Variants in THADA observed in about 807,000 individuals in gnomAD.
The protein encoded by THADA is THADA armadillo repeat containing, also known as tRNA (32-2'-O)-methyltransferase regulator THADA.
In THADA, 213 loss-of-function variants were observed where a neutral mutation model predicts 219.8. That is an observed-to-expected ratio of 0.97 (90% CI 0.87 to 1.09). The LOEUF is 1.09. Ranked by LOEUF, THADA falls within the 50% of genes least tolerant of loss-of-function variation. The pLI, the probability that THADA is intolerant of heterozygous loss-of-function variation, is 0.00. For missense variants in THADA, 2,956 were observed against 2,311.3 expected, an observed-to-expected ratio of 1.28 and a Z score of -5.72; for synonymous variants, 1,018 against 828.9, an observed-to-expected ratio of 1.23 and a Z score of -3.92.
At position 43,354,765 on chromosome 2, in the gene THADA, T is replaced by C. The variant is rs1573232066; in HGVS notation, c.4228-10528A>G. On this transcript the variant is annotated intron_variant, in intron 29 of 37. Transcript: ENST00000405975. ...TCTTTACCATTTGATATTGTTTGGCTGTGTCCCTACCCAAATCTCATCTTG... is the reference window on the plus strand; with the variant it reads ...TCTTTACCATTTGATATTGTTTGGCCGTGTCCCTACCCAAATCTCATCTTG... Among the ~76,000 whole-genome samples the C allele has an allele frequency of 3.9e-5, 6 of 152,324 alleles. No homozygotes were observed. In the Middle Eastern group the frequency reaches 0.017, roughly 432 times the overall value.
intron 22 of THADA, among the ~76,000 whole-genome samples, chr2:43,524,123 T>C (rs905756169): frequency 1.1e-4 from 16 of 152,250 alleles, no homozygotes; most frequent in Non-Finnish European, 1.9e-4. Context: ...CAAGCAATGA[T>C]GTTTTTTAAG....
At chr2:43,409,348 A>T (rs1267934284) in intron 28 of THADA, among the ~76,000 whole-genome samples, 1 of 152,152 alleles carries the variant, frequency 6.6e-6, no homozygotes, top group Non-Finnish European at 1.5e-5. Flanking sequence ...AAATTCCAAA[A>T]AATTGCTTTT....
At chr2:43,352,097 T>C (rs1668340238) in intron 29 of THADA, among the ~76,000 whole-genome samples, 1 of 152,192 alleles carries the variant, frequency 6.6e-6, no homozygotes, top group African/African-American at 2.4e-5. Context: ...TTTCTGAAAA[T>C]CTAGTTATAA....
At chr2:43,304,753 C>T (rs1260963524) in intron 31 of THADA, among the ~76,000 whole-genome samples, 4 of 151,052 alleles carry the variant, frequency 2.6e-5, no homozygotes, top group African/African-American at 9.8e-5. Context: ...CTCACCGCAA[C>T]CTCCGCCTTT....
intron 11 of THADA, among the ~76,000 whole-genome samples, chr2:43,573,416 A>G (rs1699508960): frequency 2.0e-5 from 3 of 152,202 alleles, no homozygotes; most frequent in Admixed American, 2.0e-4. Context: ...AGTAAAGATT[A>G]AAAAAGGAAC....
intron 22 of THADA, among the ~76,000 whole-genome samples, chr2:43,509,277 T>C (rs1690085492): frequency 6.6e-6 from 1 of 152,208 alleles, no homozygotes; most frequent in Non-Finnish European, 1.5e-5. Flanking sequence ...CTCTGGAGAA[T>C]TAAAGCAATT....
chr2:43,565,042 T>C (rs1407796052), intron 15 of THADA: 1 of 152,212 alleles, frequency 6.6e-6, no homozygotes, highest in Non-Finnish European at 1.5e-5. Flanking sequence ...CGTATTCAAT[T>C]AAAGCATTGT....
rs34557514 is a variant in THADA at position 43,322,674 on chromosome 2, C to CTTTT, written c.4344-2138_4344-2135dup. On this transcript the variant is annotated intron_variant, in intron 30 of 37. Coordinates refer to ENST00000405975, the MANE Select transcript of THADA (RefSeq NM_022065.5). ...CATATCCTTCCAAGCACATTCTATT[C>CTTTT]TTTTTTTTTTTTTTTTTTTTTTTTT... Among the ~76,000 whole-genome samples the CTTTT allele has an allele frequency of 2.9e-3, 161 of 54,834 alleles. 45 individuals are homozygous for CTTTT. The highest frequency in any genetic ancestry group is 7.5e-3 in the African/African-American group (88 of 11,746). 36.0% of individuals were successfully genotyped at this position (54,834 alleles called of 152,430 possible).
intron 15 of THADA, chr2:43,565,615 T>C (rs1054504021): frequency 1.3e-5 from 2 of 152,136 alleles, no homozygotes; most frequent in Non-Finnish European, 2.9e-5. Flanking sequence ...AATTACACTT[T>C]GCCCAATAAT....
intron 9 of THADA, among the ~76,000 whole-genome samples, chr2:43,577,859 ATATC>A (rs1223496501): frequency 5.9e-5 from 9 of 152,162 alleles, no homozygotes; most frequent in Admixed American, 5.9e-4. Context: ...TACTGTGTAT[ATATC>A]TATACATTGA....
chr2:43,515,082 AT>A (rs1435437945), intron 22 of THADA, among the ~76,000 whole-genome samples: 7 of 19,964 alleles, frequency 3.5e-4, no homozygotes, highest in Non-Finnish European at 5.8e-4. Context: ...TATAATATAT[AT>A]AAATATATAT....
chr2:43,561,662 G>A lies in THADA; in HGVS notation c.2312-1277C>T, dbSNP rs79845707. Among the ~76,000 whole-genome samples the A allele has an allele frequency of 6.2e-4, 95 of 152,206 alleles. 1 individual carries two copies. Among genetic ancestry groups the A allele is most frequent in the African/African-American group, 1.9e-3 (81 of 41,540 alleles). ...ACAACCCTATGAAATTCCTAGAGCC[G>A]ACACCTGAGGTTTTTGTTACTTCCT... On this transcript the variant is annotated intron_variant, in intron 15 of 37. Coordinates refer to ENST00000405975, the MANE Select transcript of THADA (RefSeq NM_022065.5).
intron 22 of THADA, among the ~76,000 whole-genome samples, chr2:43,514,999 AATATTAT>A (rs1558889837): frequency 1.5e-4 from 7 of 47,458 alleles, no homozygotes; most frequent in African/African-American, 4.3e-4. Context: ...TATAATATAT[AATATTAT>A]ATATATTATA....
chr2:43,248,363 G>A (rs965701722), intron 36 of THADA, among the ~76,000 whole-genome samples: 2 of 151,726 alleles, frequency 1.3e-5, no homozygotes, highest in East Asian at 2.0e-4. Flanking sequence ...CTGAGTAGCT[G>A]GGATTACAGG....
intron 15 of THADA, among the ~76,000 whole-genome samples, chr2:43,561,103 T>G (rs578140041): frequency 1.3e-5 from 2 of 151,592 alleles, no homozygotes; most frequent in Non-Finnish European, 2.9e-5. Context: ...CATATCCTGA[T>G]AGACTTACTG....
chr2:43,363,419 C>G (rs935018702), intron 29 of THADA, among the ~76,000 whole-genome samples: 1 of 152,122 alleles, frequency 6.6e-6, no homozygotes, highest in Non-Finnish European at 1.5e-5. Flanking sequence ...TGATGCATGA[C>G]CGTAGTTAAT....
intron 26 of THADA, among the ~76,000 whole-genome samples, chr2:43,437,050 A>G (rs1397760192): frequency 6.6e-6 from 1 of 152,130 alleles, no homozygotes; most frequent in Non-Finnish European, 1.5e-5. Flanking sequence ...GATATAAGCA[A>G]CTCATTATTT....
At chr2:43,467,889 A>G (rs1159635398) in intron 26 of THADA, among the ~76,000 whole-genome samples, 2 of 152,242 alleles carry the variant, frequency 1.3e-5, no homozygotes, top group Non-Finnish European at 1.5e-5. Context: ...TGAACAGCTC[A>G]GTAGATAAAT....
At chr2:43,236,430 G>A (rs1558445939) in intron 36 of THADA, among the ~76,000 whole-genome samples, 1 of 152,290 alleles carries the variant, frequency 6.6e-6, no homozygotes, top group Non-Finnish European at 1.5e-5. Context: ...CTGGCCAAAT[G>A]CCTTATGAAG....
Sources: allele counts gnomAD v4.1 joint callset (sites outside exome capture counted in the v4.1 genomes callset), GRCh38; gene constraint gnomAD v4.1.1; transcripts MANE v1.5; gene names NCBI Gene and HGNC (gene_info 2026-07-23, HGNC 2026-07-21).